Variants in MEGF6 observed in about 807,000 individuals in gnomAD.
MEGF6 encodes the protein multiple epidermal growth factor-like domains protein 6.
In MEGF6, 184 loss-of-function variants were observed where a neutral mutation model predicts 207.1. That is an observed-to-expected ratio of 0.89 (90% CI 0.79 to 1.00). The LOEUF is 1.00. Ranked by LOEUF, MEGF6 falls within the 50% of genes least tolerant of loss-of-function variation. MEGF6 has a pLI of 0.00. For missense variants in MEGF6, 2,282 were observed against 2,202.9 expected (o/e 1.04, Z -0.72); for synonymous variants, 1,038 against 910.0 (o/e 1.14, Z -2.53).
the MEGF6 span, among the ~76,000 whole-genome samples, chr1:3,619,361 G>A: frequency 3.3e-5 from 5 of 152,156 alleles, no homozygotes; most frequent in South Asian, 2.1e-4. Flanking sequence ...CATCATGCAC[G>A]TGTGACACAT....
chr1:3,607,086 G>A (rs897116831), intron 1 of MEGF6, among the ~76,000 whole-genome samples: 4 of 151,876 alleles, frequency 2.6e-5, no homozygotes, highest in African/African-American at 7.3e-5. Context: ...GGACACGGCC[G>A]GGGTTAGGGG....
At chr1:3,524,277 G>T in intron 4 of MEGF6, 31 bp from the exon 5 acceptor site, 1 of 1,596,136 alleles carries the variant, frequency 6.3e-7, no homozygotes, top group South Asian at 1.1e-5. Flanking sequence ...ATCAGCAGCT[G>T]GGCACCTGTG....
intron 4 of MEGF6, among the ~76,000 whole-genome samples, chr1:3,559,898 C>T (rs926141126): frequency 6.6e-6 from 1 of 151,878 alleles, no homozygotes; most frequent in South Asian, 2.1e-4. Flanking sequence ...ATAATCCCAG[C>T]TACTCGGGGG....
intron 5 of MEGF6, 61 bp downstream of exon 5, chr1:3,524,063 C>A: frequency 1.9e-6 from 3 of 1,571,572 alleles, no homozygotes; most frequent in South Asian, 1.2e-5. Flanking sequence ...CCTGGGCACA[C>A]CCCAGAGGGT....
intron 2 of MEGF6, among the ~76,000 whole-genome samples, chr1:3,597,598 C>T (rs1450696438): frequency 1.3e-5 from 2 of 152,202 alleles, no homozygotes; most frequent in Admixed American, 1.3e-4. Flanking sequence ...GACGGGCGCC[C>T]TTATAAGAAG....
chr1:3,496,680 C>T lies in MEGF6; in HGVS notation c.3717G>A (p.Gly1239=). The T allele has an allele frequency of 1.9e-6, 3 of 1,569,900 alleles. No individual in the cohort carries two copies. Among genetic ancestry groups the T allele is most frequent in the Non-Finnish European group, 2.6e-6 (3 of 1,157,864 alleles). Residue 1239 remains glycine, a synonymous_variant, in exon 29 of 37, where the codon GGG becomes GGA. Coordinates refer to ENST00000356575, the MANE Select transcript of MEGF6 (RefSeq NM_001409.4). ...AATGACRCPT[G]FLGTDCNLTC... The stretch of plus-strand genomic sequence containing the variant: ...TGAGGTTGCAGTCCGTCCCGAGGAA[C>T]CCAGTGGGGCAGCGGCAGGCCCCCG...
intron 4 of MEGF6, among the ~76,000 whole-genome samples, chr1:3,545,557 C>T (rs914728316): frequency 6.7e-6 from 1 of 149,162 alleles, no homozygotes; most frequent in Non-Finnish European, 1.5e-5. Context: ...CAGCTGGGCC[C>T]CTCCTCATCA....
In MEGF6 at chr1:3,512,055, G is replaced by A. The variant is rs566231379; in HGVS notation, c.927C>T (p.Cys309=). 25 of 1,612,762 alleles carry A rather than the reference G, an allele frequency of 1.6e-5. No individual in the cohort carries two copies. The highest frequency in any genetic ancestry group is 1.5e-4 in the South Asian group (14 of 91,072). The change falls in exon 8 of 37, where the codon TGC becomes TGT. Residue 309 remains cysteine, a synonymous_variant. Coordinates refer to ENST00000356575, the MANE Select transcript of MEGF6 (RefSeq NM_001409.4). The part of the protein sequence containing the change: ...GCLNTQGSFK[C]VCHAGYELGA... ...CCAGCTCATAGCCCGCGTGACACAC[G>A]CACTTGAAGGACCCCTGGGTGTTGA... is the stretch of plus-strand genomic sequence containing the variant.
intron 4 of MEGF6, among the ~76,000 whole-genome samples, chr1:3,544,007 C>T (rs1202091630): frequency 6.6e-6 from 1 of 152,214 alleles, no homozygotes. Context: ...GAAGCCCATT[C>T]ACCACCCGGA....
In MEGF6 at chr1:3,606,985, C is replaced by T. The variant is rs527604086; in HGVS notation, c.131+4153G>A. On this transcript the variant is annotated intron_variant, in intron 1 of 36. Coordinates refer to ENST00000356575, the MANE Select transcript of MEGF6 (RefSeq NM_001409.4). ...CCAGGCCTGGGGCCTGCTGTGCAGC[C>T]TGGAGTCACTGACCATCTCTGAGCC... Among the ~76,000 whole-genome samples, 8 of 152,140 alleles carry T rather than the reference C, an allele frequency of 5.3e-5. No individual in the cohort carries two copies. The South Asian group carries it at 1.0e-3, about 20-fold the overall frequency.
intron 10 of MEGF6, 76 bp downstream of exon 10, chr1:3,510,707 G>A: frequency 6.6e-7 from 1 of 1,516,018 alleles, no homozygotes; most frequent in Non-Finnish European, 8.9e-7. Flanking sequence ...GGGTACCAGA[G>A]CCAGCCCCGT....
chr1:3,568,043 C>T (rs1019393872), intron 4 of MEGF6, among the ~76,000 whole-genome samples: 4 of 152,192 alleles, frequency 2.6e-5, no homozygotes, highest in South Asian at 2.1e-4. Context: ...GAACCCGTCC[C>T]ATAAACGCCA....
Position 3,501,823 on chromosome 1 carries a change from C to A in MEGF6, c.2287G>T (p.Gly763Trp). Residue 763 changes from glycine to tryptophan, a missense_variant, in exon 18 of 37, where the codon GGG (glycine) becomes TGG (tryptophan). Physicochemically the swap from Gly to Trp is radical, Grantham distance 184. Transcript: ENST00000356575. ...GVTGQCRCPPGRTGEDCEADC... is the reference protein window; with the variant it reads ...GVTGQCRCPPWRTGEDCEADC... ...GCCTCACAGTCTTCCCCAGTCCTCC[C>A]CGGCGGACACCGGCACTGCCCCGTG... The A allele has an allele frequency of 6.2e-7, 1 of 1,608,858 alleles. No individual in the cohort carries two copies. Among genetic ancestry groups the A allele is most frequent in the South Asian group, 1.1e-5 (1 of 90,688 alleles).
At chr1:3,569,533 G>A (rs972218834) in intron 4 of MEGF6, among the ~76,000 whole-genome samples, 4 of 152,260 alleles carry the variant, frequency 2.6e-5, no homozygotes, top group Admixed American at 2.0e-4. Flanking sequence ...GGACTCAAAG[G>A]ATCCTGGAGG....
At chr1:3,502,545 G>A (rs1320720363) in intron 17 of MEGF6, among the ~76,000 whole-genome samples, 1 of 152,040 alleles carries the variant, frequency 6.6e-6, no homozygotes, top group Non-Finnish European at 1.5e-5. Flanking sequence ...CTAGAATGGG[G>A]AGGGCAGGGG....
intron 30 of MEGF6, among the ~76,000 whole-genome samples, chr1:3,495,401 C>G (rs1034438013): frequency 6.6e-6 from 1 of 152,198 alleles, no homozygotes; most frequent in Non-Finnish European, 1.5e-5. Context: ...CTGGGCCTGT[C>G]TGAGCAGGAG....
At chr1:3,510,025 C>A in intron 10 of MEGF6, 33 bp from the exon 11 acceptor site, 1 of 1,569,830 alleles carries the variant, frequency 6.4e-7, no homozygotes. Context: ...GAGGCCTGTG[C>A]TCCCAGGTGG....
chr1:3,495,945 A>G lies in MEGF6; in HGVS notation c.3816T>C (p.Pro1272=), dbSNP rs1243015696. The change falls in exon 30 of 37, where the codon CCT becomes CCC. Residue 1272 remains proline, a synonymous_variant. Coordinates refer to ENST00000356575, the MANE Select transcript of MEGF6 (RefSeq NM_001409.4). ...GGGGGCAGAGGCAGGTGCCGGTCAC[A>G]GGGTCGCAGGCCGCCCCCTGCCCAC... The part of the protein sequence containing the change: ...CGCGQGAACD[P]VTGTCLCPPG... The G allele has an allele frequency of 1.3e-5, 20 of 1,591,674 alleles. No homozygotes were observed. The highest frequency in any genetic ancestry group is 1.7e-5 in the Non-Finnish European group (20 of 1,176,540).
chr1:3,511,805 GC>G (rs1641357344), intron 8 of MEGF6, 118 bp from the exon 9 acceptor site: 1 of 1,482,408 alleles, frequency 6.7e-7, no homozygotes, highest in East Asian at 2.4e-5. Flanking sequence ...CCCGTGGGAA[GC>G]AGCAACATGG....
Sources: allele counts gnomAD v4.1 joint callset (sites outside exome capture counted in the v4.1 genomes callset), GRCh38; gene constraint gnomAD v4.1.1; transcripts MANE v1.5; gene names NCBI Gene and HGNC (gene_info 2026-07-23, HGNC 2026-07-21).